The following AUTS2 variants were observed in gnomAD, a reference collection of about 807,000 sequenced individuals.
AUTS2 encodes the protein activator of transcription and developmental regulator AUTS2, also known as autism susceptibility gene 2 protein.
Under a neutral mutation model 112.4 loss-of-function variants are expected in AUTS2, and 17 were observed. The ratio of observed to expected loss-of-function variants is 0.15; its 90% CI spans 0.10 to 0.23. The LOEUF (loss-of-function observed/expected upper bound fraction) is 0.23, where lower values mean the gene tolerates loss of function less well. AUTS2 is among the 10% of genes least tolerant of loss of function. The pLI is 1.00. For synonymous variants in AUTS2, 751 were observed against 702.7 expected, an observed-to-expected ratio of 1.07 and a Z score of -1.09; for missense variants, 1,510 against 1,701.6, an observed-to-expected ratio of 0.89 and a Z score of 1.98.
chr7:69,950,351 T>C (rs544384851), intron 2 of AUTS2, among the ~76,000 whole-genome samples: 28 of 152,232 alleles, frequency 1.8e-4, no homozygotes, highest in Admixed American at 1.7e-3. Flanking sequence ...AATGTGGATG[T>C]TGGAGTTAGG....
chr7:70,170,905 C>T (rs984072632), intron 4 of AUTS2, among the ~76,000 whole-genome samples: 3 of 152,110 alleles, frequency 2.0e-5, no homozygotes, highest in South Asian at 2.1e-4. Context: ...CGCCCCCGGC[C>T]GGGGCACATT....
At chr7:70,257,745 A>G (rs1786959915) in intron 4 of AUTS2, among the ~76,000 whole-genome samples, 1 of 151,800 alleles carries the variant, frequency 6.6e-6, no homozygotes, top group Non-Finnish European at 1.5e-5. Context: ...GGAGTGAGCC[A>G]TCATGCCCAG....
intron 2 of AUTS2, among the ~76,000 whole-genome samples, chr7:70,075,438 G>A (rs1052166027): frequency 6.6e-6 from 1 of 152,148 alleles, no homozygotes; most frequent in South Asian, 2.1e-4. Flanking sequence ...TCAATATTGA[G>A]TGTGCTTTAT....
intron 5 of AUTS2, among the ~76,000 whole-genome samples, chr7:70,460,336 GTCTTTTT>G (rs1175978502): frequency 4.5e-5 from 6 of 134,342 alleles, no homozygotes; most frequent in Non-Finnish European, 9.3e-5. Flanking sequence ...GGACAGCCTG[GTCTTTTT>G]TTTTTTTTTT....
At chr7:69,860,057 GTTGTTTT>G (rs1055236096) in intron 1 of AUTS2, among the ~76,000 whole-genome samples, 5 of 151,890 alleles carry the variant, frequency 3.3e-5, no homozygotes, top group African/African-American at 1.2e-4. Context: ...TTTTGTTGTT[GTTGTTTT>G]TTGTTTTATT....
chr7:70,686,112 G>T (rs567572229), intron 5 of AUTS2, among the ~76,000 whole-genome samples: 1 of 152,306 alleles, frequency 6.6e-6, no homozygotes, highest in Admixed American at 6.5e-5. Flanking sequence ...CCTTTGTCAG[G>T]CTACCATATG....
At chr7:69,891,028 A>T (rs1794495941) in intron 1 of AUTS2, among the ~76,000 whole-genome samples, 1 of 152,218 alleles carries the variant, frequency 6.6e-6, no homozygotes. Context: ...AACTAACAAT[A>T]TACAATTTGA....
intron 2 of AUTS2, among the ~76,000 whole-genome samples, chr7:70,069,220 T>G (rs1004390486): frequency 6.6e-5 from 10 of 152,278 alleles, no homozygotes; most frequent in Admixed American, 2.6e-4. Flanking sequence ...GACTTTCAAG[T>G]GGATAGAGCT....
chr7:70,110,572 T>A (rs1805019884), intron 2 of AUTS2, among the ~76,000 whole-genome samples: 1 of 152,170 alleles, frequency 6.6e-6, no homozygotes, highest in African/African-American at 2.4e-5. Flanking sequence ...GTTTTTCTAC[T>A]GCTATGAAGT....
At chr7:69,757,617 TTA>T (rs1436198827) in intron 1 of AUTS2, among the ~76,000 whole-genome samples, 1 of 152,200 alleles carries the variant, frequency 6.6e-6, no homozygotes, top group Non-Finnish European at 1.5e-5. Context: ...TATTTTGATT[TTA>T]GTGTGTTTTA....
intron 2 of AUTS2, among the ~76,000 whole-genome samples, chr7:70,110,607 G>A (rs1240118262): frequency 1.3e-5 from 2 of 152,110 alleles, no homozygotes; most frequent in Admixed American, 6.5e-5. Flanking sequence ...TAAATAATGT[G>A]CATGTTTGGC....
At chr7:69,677,524 A>G (rs1163395054) in intron 1 of AUTS2, among the ~76,000 whole-genome samples, 3 of 152,192 alleles carry the variant, frequency 2.0e-5, no homozygotes, top group Non-Finnish European at 2.9e-5. Flanking sequence ...AAAAGATGGT[A>G]TCTTGTCCTT....
intron 4 of AUTS2, among the ~76,000 whole-genome samples, chr7:70,403,249 A>G (rs1794400208): frequency 6.6e-6 from 1 of 152,236 alleles, no homozygotes; most frequent in African/African-American, 2.4e-5. Flanking sequence ...GAGTCTTTCC[A>G]AAGCATGGGA....
At chr7:70,103,825 G>A (rs970361015) in intron 2 of AUTS2, among the ~76,000 whole-genome samples, 3 of 151,564 alleles carry the variant, frequency 2.0e-5, no homozygotes, top group Non-Finnish European at 2.9e-5. Context: ...CAGGAGAATC[G>A]CTTGAACCTG....
intron 4 of AUTS2, among the ~76,000 whole-genome samples, chr7:70,355,390 T>C (rs1736905596): frequency 6.6e-6 from 1 of 152,064 alleles, no homozygotes; most frequent in African/African-American, 2.4e-5. Flanking sequence ...GAAATGTGGC[T>C]GCTGTTAAAG....
chr7:70,586,803 G>A (rs1490545457), intron 5 of AUTS2, among the ~76,000 whole-genome samples: 1 of 152,152 alleles, frequency 6.6e-6, no homozygotes, highest in Middle Eastern at 3.2e-3. Context: ...GTCAGCACTT[G>A]CCCACAGATT....
chr7:69,664,375 T>G (rs1219555488), intron 1 of AUTS2, among the ~76,000 whole-genome samples: 1 of 152,172 alleles, frequency 6.6e-6, no homozygotes, highest in African/African-American at 2.4e-5. Flanking sequence ...GGGAAAAAAA[T>G]GAGTTTTGCC....
At chr7:70,238,503 C>T (rs1812441363) in intron 4 of AUTS2, among the ~76,000 whole-genome samples, 1 of 152,200 alleles carries the variant, frequency 6.6e-6, no homozygotes, top group Non-Finnish European at 1.5e-5. Flanking sequence ...AGCAAGTCCT[C>T]TCTCTAACTT....
chr7:70,227,325 A>C (rs1252982297), intron 4 of AUTS2, among the ~76,000 whole-genome samples: 2 of 143,590 alleles, frequency 1.4e-5, no homozygotes, highest in South Asian at 2.3e-4. Context: ...AAAAAAAAAA[A>C]AACAACCTTT....
Sources: allele counts gnomAD v4.1 joint callset (sites outside exome capture counted in the v4.1 genomes callset), GRCh38; gene constraint gnomAD v4.1.1; transcripts MANE v1.5; gene names NCBI Gene and HGNC (gene_info 2026-07-23, HGNC 2026-07-21).